The following WWOX variants were observed in gnomAD, a reference collection of about 807,000 sequenced individuals.
The protein encoded by WWOX is WW domain-containing oxidoreductase.
Under a neutral mutation model 46.2 loss-of-function variants are expected in WWOX, and 69 were observed. The ratio of observed to expected loss-of-function variants is 1.49; its 90% confidence interval spans 1.23 to 1.82. WWOX has a LOEUF of 1.82. WWOX is among the 40% of genes most tolerant of loss of function. The pLI, the probability that WWOX is intolerant of heterozygous loss-of-function variation, is 0.00. For synonymous variants in WWOX, 359 were observed against 202.6 expected (o/e 1.77, Z -6.56); for missense variants, 919 against 542.6 (o/e 1.69, Z -6.89).
At chr16:78,400,968 C>A (rs9319522) in intron 6 of WWOX, among the ~76,000 whole-genome samples, 1 of 152,006 alleles carries the variant, frequency 6.6e-6, no homozygotes, top group African/African-American at 2.4e-5. Context: ...GACTACATGC[C>A]TGCACCATCA....
intron 8 of WWOX, among the ~76,000 whole-genome samples, chr16:78,698,401 T>A (rs985202484): frequency 6.6e-6 from 1 of 152,242 alleles, no homozygotes; most frequent in Non-Finnish European, 1.5e-5. Flanking sequence ...TTTTGAAAAT[T>A]AAAATTCATT....
chr16:78,727,456 A>T (rs1351647936), intron 8 of WWOX, among the ~76,000 whole-genome samples: 1 of 152,040 alleles, frequency 6.6e-6, no homozygotes, highest in Non-Finnish European at 1.5e-5. Context: ...TGGTGATCTG[A>T]ATACATCACC....
chr16:78,813,228 A>C (rs1486388769), intron 8 of WWOX, among the ~76,000 whole-genome samples: 1 of 152,012 alleles, frequency 6.6e-6, no homozygotes, highest in East Asian at 1.9e-4. Flanking sequence ...TACCTACCTC[A>C]CAGAGATGTT....
intron 8 of WWOX, among the ~76,000 whole-genome samples, chr16:78,498,062 G>A (rs1443474649): frequency 1.3e-5 from 2 of 151,884 alleles, no homozygotes; most frequent in Non-Finnish European, 2.9e-5. Context: ...GAAATTAGCT[G>A]TGCGTGGTGG....
intron 8 of WWOX, among the ~76,000 whole-genome samples, chr16:78,439,526 A>C (rs914398614): frequency 6.6e-6 from 1 of 152,222 alleles, no homozygotes; most frequent in Non-Finnish European, 1.5e-5. Context: ...GTGCTTGCTT[A>C]GTCCAGTGAC....
intron 8 of WWOX, among the ~76,000 whole-genome samples, chr16:79,098,727 G>A (rs1035848682): frequency 5.9e-5 from 9 of 152,172 alleles, no homozygotes; most frequent in Non-Finnish European, 1.3e-4. Context: ...AATGAGTAGA[G>A]GCAGGTAATA....
intron 8 of WWOX, among the ~76,000 whole-genome samples, chr16:78,735,408 C>CAG (rs928714803): frequency 1.6e-4 from 24 of 150,832 alleles, no homozygotes; most frequent in Non-Finnish European, 3.4e-4. Context: ...CACACACACA[C>CAG]ACACACACAC....
intron 8 of WWOX, among the ~76,000 whole-genome samples, chr16:78,783,639 A>G (rs2050383204): frequency 6.6e-6 from 1 of 152,316 alleles, no homozygotes; most frequent in South Asian, 2.1e-4. Context: ...TGCCTGGCAT[A>G]CCCCATATCT....
At chr16:79,010,055 A>G (rs569335359) in intron 8 of WWOX, among the ~76,000 whole-genome samples, 126 of 152,292 alleles carry the variant, frequency 8.3e-4, no homozygotes, top group African/African-American at 2.9e-3. Context: ...GCAAGCTGCT[A>G]TGCTTGCAAA....
chr16:78,257,171 A>T (rs2038154880), intron 5 of WWOX, among the ~76,000 whole-genome samples: 1 of 151,968 alleles, frequency 6.6e-6, no homozygotes, highest in African/African-American at 2.4e-5. Flanking sequence ...TTCTAGGCTG[A>T]CACATTGCCT....
intron 8 of WWOX, among the ~76,000 whole-genome samples, chr16:78,903,654 C>T (rs981133135): frequency 6.6e-6 from 1 of 152,138 alleles, no homozygotes. Flanking sequence ...AGATTCCCTG[C>T]CTGCAGATTC....
At chr16:78,249,353 T>C (rs2037917385) in intron 5 of WWOX, among the ~76,000 whole-genome samples, 1 of 152,184 alleles carries the variant, frequency 6.6e-6, no homozygotes, top group South Asian at 2.1e-4. Context: ...TCCTGCACTT[T>C]GCCAGGCGTG....
intron 1 of WWOX, among the ~76,000 whole-genome samples, chr16:78,102,817 A>T (rs985065352): frequency 6.6e-6 from 1 of 152,180 alleles, no homozygotes; most frequent in Non-Finnish European, 1.5e-5. Flanking sequence ...CCCAGAAGCC[A>T]TAAGATGAGC....
intron 8 of WWOX, among the ~76,000 whole-genome samples, chr16:78,705,591 G>C (rs370369899): frequency 6.6e-6 from 1 of 152,288 alleles, no homozygotes; most frequent in African/African-American, 2.4e-5. Flanking sequence ...AGGGTTTCAT[G>C]CAGTAAATAC....
intron 5 of WWOX, among the ~76,000 whole-genome samples, chr16:78,209,608 A>C (rs2151785798): frequency 6.6e-6 from 1 of 152,290 alleles, no homozygotes; most frequent in Admixed American, 6.5e-5. Context: ...TTGTAAATCT[A>C]ATACCTTCCA....
intron 8 of WWOX, among the ~76,000 whole-genome samples, chr16:78,681,957 C>G (rs1322788170): frequency 1.3e-5 from 2 of 152,096 alleles, no homozygotes; most frequent in Non-Finnish European, 2.9e-5. Flanking sequence ...TAGCAAGCGC[C>G]CAGATGTCAC....
At chr16:78,601,527 G>A (rs181023175) in intron 8 of WWOX, among the ~76,000 whole-genome samples, 3 of 151,942 alleles carry the variant, frequency 2.0e-5, no homozygotes. Flanking sequence ...ATACCCCACC[G>A]CCATTTTCCA....
intron 8 of WWOX, among the ~76,000 whole-genome samples, chr16:78,830,412 T>C (rs1038780150): frequency 3.3e-5 from 5 of 152,132 alleles, no homozygotes; most frequent in Admixed American, 1.3e-4. Context: ...CACTGGTTTC[T>C]ATGGCTCTCC....
At chr16:78,927,705 C>G (rs2045530586) in intron 8 of WWOX, among the ~76,000 whole-genome samples, 1 of 152,118 alleles carries the variant, frequency 6.6e-6, no homozygotes, top group Non-Finnish European at 1.5e-5. Flanking sequence ...ATTTATTGAG[C>G]TTACTTGGTG....
Sources: allele counts gnomAD v4.1 joint callset (sites outside exome capture counted in the v4.1 genomes callset), GRCh38; gene constraint gnomAD v4.1.1; transcripts MANE v1.5; gene names NCBI Gene and HGNC (gene_info 2026-07-23, HGNC 2026-07-21).